The following LPCAT1 variants were observed in gnomAD, a reference collection of about 807,000 sequenced individuals.
LPCAT1 encodes lysophosphatidylcholine acyltransferase 1.
Under a neutral mutation model 60.9 loss-of-function variants are expected in LPCAT1, and 23 were observed. The observed-to-expected ratio is 0.38, with a 90% CI of 0.27 to 0.53. The LOEUF (loss-of-function observed/expected upper bound fraction) is 0.53, where lower values mean the gene tolerates loss of function less well. LPCAT1 is among the 20% of genes least tolerant of loss of function. The pLI, the probability that LPCAT1 is intolerant of heterozygous loss-of-function variation, is 0.82. For synonymous variants in LPCAT1, 340 were observed against 301.1 expected, an observed-to-expected ratio of 1.13 and a Z score of -1.34; for missense variants, 622 against 723.6, an observed-to-expected ratio of 0.86 and a Z score of 1.61.
chr5:1,493,529 G>A (rs1290167371), intron 3 of LPCAT1, among the ~76,000 whole-genome samples: 1 of 152,258 alleles, frequency 6.6e-6, no homozygotes, highest in African/African-American at 2.4e-5. Flanking sequence ...GGCCATAGGC[G>A]ACGCCCCTCG....
chr5:1,508,008 C>T (rs1736238229), intron 1 of LPCAT1, among the ~76,000 whole-genome samples: 1 of 152,254 alleles, frequency 6.6e-6, no homozygotes, highest in Admixed American at 6.5e-5. Flanking sequence ...GGAGCTCGTT[C>T]ACCCCTCCAC....
At chr5:1,466,651 A>G (rs942010583) in intron 13 of LPCAT1, 98 bp downstream of exon 13, 2 of 1,298,692 alleles carry the variant, frequency 1.5e-6, no homozygotes, top group Non-Finnish European at 1.0e-6. Flanking sequence ...CATGGCGGGG[A>G]CTCCACTCCT....
chr5:1,478,185 G>C lies in LPCAT1; in HGVS notation c.817-699C>G, dbSNP rs559117626. ...GTCCAGTGAATTTGTCCTTGCCTGA[G>C]TGACACTTACACAGCATTTTAAATG... is the stretch of plus-strand genomic sequence containing the variant. On this transcript the variant is annotated intron_variant, in intron 8 of 13. Coordinates refer to ENST00000283415, the MANE Select transcript of LPCAT1 (RefSeq NM_024830.5). Among the ~76,000 whole-genome samples the C allele has an allele frequency of 3.9e-5, 6 of 152,392 alleles. No homozygotes were observed. The East Asian group carries it at 9.6e-4, about 24-fold the overall frequency.
intron 13 of LPCAT1, among the ~76,000 whole-genome samples, chr5:1,465,715 A>G (rs377550794): frequency 1.3e-5 from 2 of 152,224 alleles, no homozygotes; most frequent in South Asian, 4.1e-4. Context: ...CACAACACAC[A>G]TGCACGCTTT....
intron 13 of LPCAT1, among the ~76,000 whole-genome samples, chr5:1,465,218 GCA>G (rs201744293): frequency 4.9e-4 from 65 of 133,758 alleles, no homozygotes; most frequent in South Asian, 1.2e-3. Flanking sequence ...ACACATGCGT[GCA>G]CACACACAAA....
chr5:1,486,421 C>T (rs1051530828), intron 5 of LPCAT1, among the ~76,000 whole-genome samples: 8 of 152,162 alleles, frequency 5.3e-5, no homozygotes, highest in Admixed American at 2.0e-4. Context: ...GGAGGCTGGG[C>T]CCAATGCGGG....
In LPCAT1 at chr5:1,495,472, G is replaced by T. The variant is rs1735756725; in HGVS notation, c.279-558C>A. ...AGCTGTTTCTGGAGGAAATTAGATG[G>T]CCAATAAATTTGGAAAATAAAGTAA... On this transcript the variant is annotated intron_variant, in intron 2 of 13. Coordinates refer to ENST00000283415, the MANE Select transcript of LPCAT1 (RefSeq NM_024830.5). The surrounding 1 kb of genome is among the most constrained non-coding windows in gnomAD (Gnocchi z 4.7). Among the ~76,000 whole-genome samples, 1 of 152,094 alleles carries T rather than the reference G, an allele frequency of 6.6e-6. No homozygotes were observed. Among genetic ancestry groups the T allele is most frequent in the Non-Finnish European group, 1.5e-5 (1 of 68,020 alleles).
At position 1,461,472 on chromosome 5, in the gene LPCAT1, C is replaced by G. The variant is rs1734089114; in HGVS notation, c.*2179G>C. 6.6e-6 allele frequency: 1 copy of G among 152,366 alleles called. No homozygotes were observed. Among genetic ancestry groups the G allele is most frequent in the Admixed American group, 6.5e-5 (1 of 15,288 alleles). 9.4% of individuals were successfully genotyped at this position (152,366 alleles called of 1,614,324 possible). A position where few individuals can be genotyped will look rare whatever the true frequency, so the allele number is the denominator to read the frequency against. On this transcript the variant is annotated 3_prime_UTR_variant, in exon 14 of 14. Transcript: ENST00000283415. ...GTTTTACTTATTCCATTGAAAATCC[C>G]AAGTTCCTTCATGGCAACCCTCCCT...
chr5:1,499,251 CGCACGGGGCTCCT>C (rs1735918537), intron 2 of LPCAT1, among the ~76,000 whole-genome samples: 1 of 152,128 alleles, frequency 6.6e-6, no homozygotes, highest in Admixed American at 6.5e-5. Context: ...AGCCTGTGCT[CGCACGGGGCTCCT>C]GCCTCCTGAG....
chr5:1,470,899 C>A lies in LPCAT1; in HGVS notation c.1205G>T (p.Arg402Leu). 6.2e-7 allele frequency: 1 copy of A among 1,613,364 alleles called. No homozygotes were observed. Among genetic ancestry groups the A allele is most frequent in the Non-Finnish European group, 8.5e-7 (1 of 1,179,982 alleles). ...GACAGACAGGGCAACCACACACTCTCGCAGGTCCACCTCGCCGCTGCCGCT... is the reference window on the plus strand; with the variant it reads ...GACAGACAGGGCAACCACACACTCTAGCAGGTCCACCTCGCCGCTGCCGCT... ...DESGSGEVDLRECVVALSVVC... is the reference protein window; with the variant it reads ...DESGSGEVDLLECVVALSVVC... Residue 402 changes from arginine to leucine, a missense_variant, in exon 12 of 14, where the codon CGA (arginine) becomes CTA (leucine). Physicochemically the swap from Arg to Leu is moderately radical, Grantham distance 102. Transcript: ENST00000283415.
In LPCAT1 at chr5:1,523,917, G is replaced by A. The variant is rs925338368; in HGVS notation, c.-73C>T. 2.4e-4 allele frequency: 234 copies of A among 970,198 alleles called. 2 individuals carry two copies. In the African/African-American group the frequency reaches 3.5e-3, roughly 15 times the overall value. 60.1% of individuals were successfully genotyped at this position (970,198 alleles called of 1,614,324 possible). ...AGCGGGGCCGGGGCTAGCTGGGCGCGGGTCTCGGGGCGCGGGCCGAGGATG... is the reference window on the plus strand; with the variant it reads ...AGCGGGGCCGGGGCTAGCTGGGCGCAGGTCTCGGGGCGCGGGCCGAGGATG... On this transcript the variant is annotated 5_prime_UTR_variant, in exon 1 of 14. Coordinates refer to ENST00000283415, the MANE Select transcript of LPCAT1 (RefSeq NM_024830.5). The surrounding 1 kb of genome is among the most constrained non-coding windows in gnomAD (Gnocchi z 7.1).
At position 1,466,792 on chromosome 5, in the gene LPCAT1, T is replaced by C; in HGVS notation, c.1377A>G (p.Leu459=). Residue 459 remains leucine, a synonymous_variant, in exon 13 of 14, where the codon CTA becomes CTG. Transcript: ENST00000283415. ...LGVAELTVTD[L]FRAIDQEEKG... ...TCTCCTCTTGGTCAATGGCTCGGAA[T>C]AGGTCGGTCACGGTGAGCTCTGCCA... 1 of 1,613,006 alleles carries C rather than the reference T, an allele frequency of 6.2e-7. No homozygotes were observed. Among genetic ancestry groups the C allele is most frequent in the Non-Finnish European group, 8.5e-7 (1 of 1,179,354 alleles).
At chr5:1,519,649 C>T (rs1429819145) in intron 1 of LPCAT1, among the ~76,000 whole-genome samples, 1 of 152,246 alleles carries the variant, frequency 6.6e-6, no homozygotes, top group Admixed American at 6.5e-5. Flanking sequence ...AGCAGCTGGG[C>T]CTCTGTGTCC....
At chr5:1,493,072 G>C (rs941220886) in intron 3 of LPCAT1, among the ~76,000 whole-genome samples, 12 of 152,250 alleles carry the variant, frequency 7.9e-5, no homozygotes, top group Non-Finnish European at 2.9e-5. Context: ...GGGGAAACCT[G>C]CGTGTGAGAG....
chr5:1,479,763 C>A lies in LPCAT1; in HGVS notation c.762-88G>T, dbSNP rs935010965. ...CCAATTCTGGGGTGAAACCTCCAGA[C>A]GCGCCCTCCAGAGGGCGCTACTGGG... On this transcript the variant is annotated intron_variant, in intron 7 of 13. Transcript: ENST00000283415. 21 of 1,044,112 alleles carry A rather than the reference C, an allele frequency of 2.0e-5. No individual in the cohort carries two copies. In the African/African-American group the frequency reaches 3.0e-4, roughly 15 times the overall value. 64.7% of individuals were successfully genotyped at this position (1,044,112 alleles called of 1,614,324 possible).
rs1734909793 is a variant in LPCAT1 at position 1,476,206 on chromosome 5, T to C, written c.899+1198A>G. On this transcript the variant is annotated intron_variant, in intron 9 of 13. Coordinates refer to ENST00000283415, the MANE Select transcript of LPCAT1 (RefSeq NM_024830.5). The surrounding 1 kb of genome is among the most constrained non-coding windows in gnomAD (Gnocchi z 8.6). Reference sequence around the variant, plus strand: ...CTCCTAAGTCCCCAAAAGTAGCCAGTATTGGCAGCAGTCCGGAGCACAGGT... The same window carrying C: ...CTCCTAAGTCCCCAAAAGTAGCCAGCATTGGCAGCAGTCCGGAGCACAGGT... Among the ~76,000 whole-genome samples the C allele has an allele frequency of 6.6e-6, 1 of 152,096 alleles. No homozygotes were observed. Among genetic ancestry groups the C allele is most frequent in the South Asian group, 2.1e-4 (1 of 4,818 alleles).
At chr5:1,473,481 C>G (rs761080266) in intron 11 of LPCAT1, among the ~76,000 whole-genome samples, 1 of 152,248 alleles carries the variant, frequency 6.6e-6, no homozygotes, top group African/African-American at 2.4e-5. Context: ...CGACGAGGAC[C>G]TGGGGATGAC....
chr5:1,516,849 A>G (rs966738488), intron 1 of LPCAT1, among the ~76,000 whole-genome samples: 2 of 152,212 alleles, frequency 1.3e-5, no homozygotes, highest in African/African-American at 4.8e-5. Context: ...AGCAGAGGAA[A>G]GACCACACTG....
At chr5:1,499,806 C>T (rs1335940641) in intron 2 of LPCAT1, among the ~76,000 whole-genome samples, 3 of 152,236 alleles carry the variant, frequency 2.0e-5, no homozygotes, top group Admixed American at 2.0e-4. Flanking sequence ...GCCGTCTTCC[C>T]CCTGCACCTA....
Sources: gnomAD v4.1 joint callset for allele counts (sites outside exome capture counted in the v4.1 genomes callset) on GRCh38, gnomAD v4.1.1 for gene constraint, Gnocchi (gnomAD v3.1) non-coding constraint, MANE v1.5 for transcripts, NCBI Gene and HGNC (gene_info 2026-07-23, HGNC 2026-07-21) for gene names.